The following CTNNA3 variants were observed in gnomAD, a reference collection of about 807,000 sequenced individuals.
CTNNA3 encodes the protein catenin alpha-3.
CTNNA3 carries 76 observed loss-of-function variants against 95.7 expected under a neutral mutation model. The observed-to-expected ratio is 0.79, with a 90% CI of 0.66 to 0.96. The LOEUF is 0.96. CTNNA3 is among the 40% of genes least tolerant of loss of function. The pLI, the probability that CTNNA3 is intolerant of heterozygous loss-of-function variation, is 0.00. For synonymous variants in CTNNA3, 431 were observed against 374.4 expected (o/e 1.15, Z -1.74); for missense variants, 1,191 against 1,089.8 (o/e 1.09, Z -1.31).
chr10:66,137,642 C>T (rs761578831), intron 13 of CTNNA3, among the ~76,000 whole-genome samples: 1 of 151,958 alleles, frequency 6.6e-6, no homozygotes, highest in Admixed American at 6.6e-5. Flanking sequence ...ATGAGATACG[C>T]GGAACAGCAA....
intron 7 of CTNNA3, chr10:67,015,268 C>G (rs535429386): frequency 6.6e-6 from 1 of 152,010 alleles, no homozygotes; most frequent in Admixed American, 6.5e-5. Context: ...ATTTTTTATC[C>G]ATAGATAGAT....
At chr10:66,820,946 C>T (rs1293852228) in intron 7 of CTNNA3, among the ~76,000 whole-genome samples, 2 of 152,052 alleles carry the variant, frequency 1.3e-5, no homozygotes, top group Admixed American at 6.6e-5. Flanking sequence ...TTACAAAACA[C>T]CCCTTTATAT....
chr10:67,280,601 G>A (rs945871167), intron 5 of CTNNA3, among the ~76,000 whole-genome samples: 7 of 151,878 alleles, frequency 4.6e-5, no homozygotes, highest in South Asian at 4.2e-4. Flanking sequence ...GAAGACGCCC[G>A]ACTCCTGCCC....
chr10:66,446,198 A>G (rs2093419658), intron 11 of CTNNA3, among the ~76,000 whole-genome samples: 1 of 152,300 alleles, frequency 6.6e-6, no homozygotes, highest in South Asian at 2.1e-4. Context: ...TACAAACCAA[A>G]AAAAGTCCAG....
chr10:66,759,236 CGAT>C (rs781411096), intron 9 of CTNNA3, among the ~76,000 whole-genome samples: 47 of 152,064 alleles, frequency 3.1e-4, no homozygotes, highest in Admixed American at 8.5e-4. Context: ...GTTTCCTGAA[CGAT>C]GATGTCCACA....
At chr10:66,670,890 C>A (rs1276177146) in intron 9 of CTNNA3, among the ~76,000 whole-genome samples, 1 of 152,152 alleles carries the variant, frequency 6.6e-6, no homozygotes, top group Non-Finnish European at 1.5e-5. Flanking sequence ...CATAACATTT[C>A]TCTAAATGAA....
intron 14 of CTNNA3, among the ~76,000 whole-genome samples, chr10:66,074,092 T>C (rs2080497537): frequency 6.6e-6 from 1 of 152,052 alleles, no homozygotes; most frequent in Admixed American, 6.6e-5. Flanking sequence ...AGGTGTGGAA[T>C]AATAGCACAT....
chr10:67,591,055 G>T (rs1842775064), intron 3 of CTNNA3, among the ~76,000 whole-genome samples: 1 of 151,994 alleles, frequency 6.6e-6, no homozygotes, highest in Non-Finnish European at 1.5e-5. Flanking sequence ...AGTCTACCTG[G>T]AGTTGACTTT....
intron 5 of CTNNA3, among the ~76,000 whole-genome samples, chr10:67,240,012 T>C (rs1345703014): frequency 6.6e-6 from 1 of 152,166 alleles, no homozygotes; most frequent in African/African-American, 2.4e-5. Flanking sequence ...CAAAGAAAAC[T>C]TCCTTACGAA....
intron 9 of CTNNA3, among the ~76,000 whole-genome samples, chr10:66,760,197 A>G (rs1330071793): frequency 6.6e-6 from 1 of 152,198 alleles, no homozygotes; most frequent in East Asian, 1.9e-4. Flanking sequence ...CGCAGGCTCT[A>G]CTGAAATATG....
At chr10:66,671,925 G>A (rs1846674568) in intron 9 of CTNNA3, among the ~76,000 whole-genome samples, 1 of 152,192 alleles carries the variant, frequency 6.6e-6, no homozygotes, top group South Asian at 2.1e-4. Context: ...ATGTTTCATA[G>A]TTGGTATGGA....
chr10:66,923,561 G>T (rs1217244424), intron 7 of CTNNA3, among the ~76,000 whole-genome samples: 2 of 152,234 alleles, frequency 1.3e-5, no homozygotes, highest in African/African-American at 4.8e-5. Context: ...AATGATAAGG[G>T]TTCAGTATTA....
At chr10:65,963,851 A>C (rs1450289625) in intron 17 of CTNNA3, among the ~76,000 whole-genome samples, 1 of 152,174 alleles carries the variant, frequency 6.6e-6, no homozygotes, top group African/African-American at 2.4e-5. Flanking sequence ...GGTGTATTAT[A>C]AGAATATCTC....
intron 2 of CTNNA3, among the ~76,000 whole-genome samples, chr10:67,620,787 T>A (rs900623174): frequency 1.3e-5 from 2 of 151,970 alleles, no homozygotes; most frequent in Non-Finnish European, 2.9e-5. Context: ...AGATTGCGAA[T>A]GCAAACTGTT....
chr10:66,751,445 G>C (rs182061145), intron 9 of CTNNA3, among the ~76,000 whole-genome samples: 13 of 152,118 alleles, frequency 8.5e-5, no homozygotes, highest in African/African-American at 3.1e-4. Context: ...TACAAACGAA[G>C]ACAGTTTTAT....
chr10:67,572,077 A>C (rs1262076543), intron 3 of CTNNA3, among the ~76,000 whole-genome samples: 2 of 152,176 alleles, frequency 1.3e-5, no homozygotes, highest in Non-Finnish European at 2.9e-5. Flanking sequence ...AACTGTCAAT[A>C]ATCTTTTTAT....
chr10:66,893,266 C>G (rs886481117), intron 7 of CTNNA3, among the ~76,000 whole-genome samples: 49 of 152,124 alleles, frequency 3.2e-4, no homozygotes, highest in African/African-American at 1.1e-3. Context: ...CCAAGATGCC[C>G]TATACCTTTT....
intron 7 of CTNNA3, among the ~76,000 whole-genome samples, chr10:67,130,736 T>A (rs1859956276): frequency 1.3e-5 from 2 of 152,140 alleles, no homozygotes; most frequent in Non-Finnish European, 2.9e-5. Context: ...TCCTGTGATC[T>A]GAGCTTGGAG....
chr10:65,983,801 T>C (rs994293639), intron 16 of CTNNA3, among the ~76,000 whole-genome samples: 1 of 151,320 alleles, frequency 6.6e-6, no homozygotes, highest in African/African-American at 2.4e-5. Context: ...AACTAGCTAA[T>C]GCCAATGCCA....
Sources: gnomAD v4.1 joint callset for allele counts (sites outside exome capture counted in the v4.1 genomes callset) on GRCh38, gnomAD v4.1.1 for gene constraint, MANE v1.5 for transcripts, NCBI Gene and HGNC (gene_info 2026-07-23, HGNC 2026-07-21) for gene names.